The following ADORA1 variants were observed in gnomAD, a reference collection of about 807,000 sequenced individuals.
The protein encoded by ADORA1 is adenosine receptor A1.
In ADORA1, 6 loss-of-function variants were observed where a neutral mutation model predicts 19.9. The observed-to-expected ratio is 0.30, with a 90% CI of 0.17 to 0.59. The LOEUF is 0.59. Among genes scored for constraint, ADORA1 ranks in the 20% least tolerant of loss-of-function variants. The probability of loss-of-function intolerance (pLI) is 0.87; values close to 1 mark genes in which losing one functional copy is unlikely to be tolerated. For synonymous variants in ADORA1, 194 were observed against 188.4 expected, an observed-to-expected ratio of 1.03 and a Z score of -0.24; for missense variants, 302 against 439.2, an observed-to-expected ratio of 0.69 and a Z score of 2.79.
At chr1:203,163,966 T>C (rs2102768190) in intron 3 of ADORA1, among the ~76,000 whole-genome samples, 1 of 152,274 alleles carries the variant, frequency 6.6e-6, no homozygotes, top group African/African-American at 2.4e-5. Context: ...CATTGGAAAA[T>C]AACAACTGGG....
At chr1:203,146,275 T>A (rs10399916) in intron 3 of ADORA1, among the ~76,000 whole-genome samples, 144,602 of 152,254 alleles carry the variant, frequency 0.95, 68,813 homozygotes, top group Non-Finnish European at 0.98. Flanking sequence ...TGGTATCAAC[T>A]TCACTTTACT....
intron 3 of ADORA1, among the ~76,000 whole-genome samples, chr1:203,157,912 C>G (rs1041473832): frequency 6.6e-6 from 1 of 152,226 alleles, no homozygotes; most frequent in Admixed American, 6.5e-5. Flanking sequence ...TCTCTGGAAA[C>G]CTTGCTCTAA....
intron 3 of ADORA1, among the ~76,000 whole-genome samples, chr1:203,163,027 C>T (rs993232447): frequency 1.3e-5 from 2 of 152,118 alleles, no homozygotes; most frequent in Non-Finnish European, 2.9e-5. Context: ...GGTCTTTGCC[C>T]GTAGACTCAT....
intron 3 of ADORA1, among the ~76,000 whole-genome samples, chr1:203,148,971 G>A (rs569706313): frequency 2.0e-4 from 30 of 152,156 alleles, no homozygotes; most frequent in Admixed American, 1.7e-3. Context: ...TCCGCCGCCC[G>A]GGTTCAAGCG....
chr1:203,156,698 T>C (rs910679430), intron 3 of ADORA1, among the ~76,000 whole-genome samples: 5 of 152,216 alleles, frequency 3.3e-5, no homozygotes, highest in Admixed American at 2.0e-4. Context: ...TATAATAGAA[T>C]AGCACAGACT....
chr1:203,150,253 C>T lies in ADORA1; in HGVS notation c.342-15008C>T, dbSNP rs1389911489. The stretch of plus-strand genomic sequence containing the variant: ...CTCCCACTGCATCTGTATGTCTGGG[C>T]CCCTCCTCCACAAAGCCATCCCTGG... On this transcript the variant is annotated intron_variant, in intron 3 of 3. Coordinates refer to ENST00000337894, the MANE Select transcript of ADORA1 (RefSeq NM_000674.3). Among the ~76,000 whole-genome samples, 4 of 152,212 alleles carry T rather than the reference C, an allele frequency of 2.6e-5. 1 individual carries two copies. Among genetic ancestry groups the T allele is most frequent in the Admixed American group, 2.0e-4 (3 of 15,288 alleles).
intron 3 of ADORA1, among the ~76,000 whole-genome samples, chr1:203,163,821 C>T (rs1459388129): frequency 2.0e-5 from 3 of 152,312 alleles, no homozygotes; most frequent in Non-Finnish European, 1.5e-5. Context: ...TAAGCATCAT[C>T]ACCATGCAGG....
intron 3 of ADORA1, among the ~76,000 whole-genome samples, chr1:203,151,594 A>G (rs1243042172): frequency 6.6e-6 from 1 of 152,160 alleles, no homozygotes; most frequent in Non-Finnish European, 1.5e-5. Flanking sequence ...GCTACTGTTC[A>G]TTGAGTGCCC....
In ADORA1 at chr1:203,129,170, A is replaced by G. The variant is rs764752997; in HGVS notation, c.329A>G (p.Lys110Arg). 5.0e-6 allele frequency: 8 copies of G among 1,611,590 alleles called. No individual in the cohort carries two copies. Among genetic ancestry groups the G allele is most frequent in the Middle Eastern group, 3.3e-4 (2 of 6,050 alleles). ...AIAVDRYLRVKIPLRYKMVVT... is the reference protein window; with the variant it reads ...AIAVDRYLRVRIPLRYKMVVT... ...GCTGTGGACCGCTACCTCCGGGTCAAGATCCCTCTCCGGTGAGTCCACAGC... is the reference window on the plus strand; with the variant it reads ...GCTGTGGACCGCTACCTCCGGGTCAGGATCCCTCTCCGGTGAGTCCACAGC... The change falls in exon 3 of 4, where the codon AAG becomes AGG. Residue 110 changes from lysine to arginine, a missense_variant. Coordinates refer to ENST00000337894, the MANE Select transcript of ADORA1 (RefSeq NM_000674.3).
chr1:203,132,991 T>G (rs1481259807), intron 3 of ADORA1, among the ~76,000 whole-genome samples: 1 of 152,216 alleles, frequency 6.6e-6, no homozygotes, highest in Non-Finnish European at 1.5e-5. Flanking sequence ...TTTGTTGTGT[T>G]GTGTGTTTTA....
chr1:203,157,615 A>G (rs1190017390), intron 3 of ADORA1, among the ~76,000 whole-genome samples: 1 of 152,210 alleles, frequency 6.6e-6, no homozygotes, highest in African/African-American at 2.4e-5. Context: ...TGTCCCTGTG[A>G]CAAGTTTCTG....
At chr1:203,150,212 C>T (rs1026364207) in intron 3 of ADORA1, among the ~76,000 whole-genome samples, 4 of 152,166 alleles carry the variant, frequency 2.6e-5, no homozygotes, top group Middle Eastern at 3.2e-3. Flanking sequence ...ACTGGGTGAG[C>T]CTGGGTGCTC....
chr1:203,147,123 A>G (rs551796954), intron 3 of ADORA1, among the ~76,000 whole-genome samples: 1 of 152,298 alleles, frequency 6.6e-6, no homozygotes, highest in Admixed American at 6.5e-5. Flanking sequence ...CTGGACCTCA[A>G]TTTTCCCACC....
chr1:203,160,112 C>T (rs995370740), intron 3 of ADORA1, among the ~76,000 whole-genome samples: 1 of 152,218 alleles, frequency 6.6e-6, no homozygotes, highest in Non-Finnish European at 1.5e-5. Context: ...ATGGGCTTTG[C>T]ACTTGGACAT....
At chr1:203,139,045 CT>C (rs1241597519) in intron 3 of ADORA1, among the ~76,000 whole-genome samples, 3 of 152,196 alleles carry the variant, frequency 2.0e-5, no homozygotes, top group African/African-American at 7.2e-5. Flanking sequence ...TCTCAAACTC[CT>C]GACCTCCAGT....
intron 3 of ADORA1, among the ~76,000 whole-genome samples, chr1:203,134,261 C>G (rs1417529637): frequency 1.3e-5 from 2 of 152,192 alleles, no homozygotes; most frequent in African/African-American, 4.8e-5. Flanking sequence ...CAGAAGAGCT[C>G]TTTGCAGTCA....
At position 203,132,973 on chromosome 1, in the gene ADORA1, G is replaced by A. The variant is rs573872440; in HGVS notation, c.341+3791G>A. On this transcript the variant is annotated intron_variant, in intron 3 of 3. Transcript: ENST00000337894. ...CCTGCCAGTGCTGTGTTGGGATCCC[G>A]GGAGGGTTTTGTTGTGTTGTGTGTT... 8.9e-4 allele frequency among the ~76,000 whole-genome samples: 135 copies of A among 152,228 alleles called. No individual in the cohort carries two copies. In the Middle Eastern group the frequency reaches 0.014, roughly 15 times the overall value.
chr1:203,136,255 G>T (rs1255004105), intron 3 of ADORA1, among the ~76,000 whole-genome samples: 2 of 152,218 alleles, frequency 1.3e-5, no homozygotes, highest in Non-Finnish European at 2.9e-5. Context: ...AGGAGAGGCA[G>T]ATGGGTGGGT....
intron 3 of ADORA1, among the ~76,000 whole-genome samples, chr1:203,130,122 T>C (rs1024327157): frequency 9.9e-5 from 15 of 152,166 alleles, no homozygotes; most frequent in African/African-American, 3.6e-4. Context: ...AGATTCCTTT[T>C]CTCCTGGGGA....
Sources: gnomAD v4.1 joint callset for allele counts (sites outside exome capture counted in the v4.1 genomes callset) on GRCh38, gnomAD v4.1.1 for gene constraint, MANE v1.5 for transcripts, NCBI Gene and HGNC (gene_info 2026-07-23, HGNC 2026-07-21) for gene names.